Variants in ANKZF1 observed in about 807,000 individuals in gnomAD.
ANKZF1 encodes the protein tRNA endonuclease ANKZF1.
In ANKZF1, 84 loss-of-function variants were observed where a neutral mutation model predicts 86.0. The observed-to-expected ratio is 0.98, with a 90% CI of 0.82 to 1.17. ANKZF1 has a LOEUF of 1.17. Ranked by LOEUF, ANKZF1 falls within the 50% of genes most tolerant of loss-of-function variation. The probability of loss-of-function intolerance (pLI) is 0.00; values close to 1 mark genes in which losing one functional copy is unlikely to be tolerated. For missense variants in ANKZF1, 893 were observed against 918.4 expected (o/e 0.97, Z 0.36); for synonymous variants, 331 against 354.2 (o/e 0.93, Z 0.74).
Position 219,235,541 on chromosome 2 carries a change from T to C in ANKZF1, c.1759T>C (p.Phe587Leu), listed in dbSNP as rs202141823. 30 of 1,613,650 alleles carry C rather than the reference T, an allele frequency of 1.9e-5. No individual in the cohort carries two copies. The East Asian group carries it at 6.5e-4, about 35-fold the overall frequency. ...DKSTRNEFRRFMEKNPDAYDY... is the reference protein window; with the variant it reads ...DKSTRNEFRRLMEKNPDAYDY... ...ATCAACACGTAATGAGTTCCGAAGG[T>C]TCATGGAGAAGAATCCAGATGCCTA... The change falls in exon 11 of 14, where the codon TTC becomes CTC. Residue 587 changes from phenylalanine (F) to leucine (L), a missense_variant. By Grantham distance (22) the Phe-to-Leu change is conservative (BLOSUM62 0). Transcript: ENST00000323348.
rs765253696 is a variant in ANKZF1, at chr2:219,236,095, G to A, written c.2057G>A (p.Arg686Gln). The A allele has an allele frequency of 6.2e-6, 10 of 1,614,052 alleles. No individual in the cohort carries two copies. Among genetic ancestry groups the A allele is most frequent in the East Asian group, 2.2e-5 (1 of 44,894 alleles). The change falls in exon 13 of 14, where the codon CGA becomes CAA. Residue 686 changes from arginine to glutamine, a missense_variant and splice_region_variant. Coordinates refer to ENST00000323348, the MANE Select transcript of ANKZF1 (RefSeq NM_018089.3). ...CCTGACTCTGCAATCGTCAATACTC[G>A]GTATGGGGTGCGGGATGAGGGAGTG... is the stretch of plus-strand genomic sequence containing the variant. ...PIPDSAIVNT[R>Q]RCWSCGASLQ...
Position 219,232,019 on chromosome 2 carries a change from C to G in ANKZF1, c.240C>G (p.Thr80=), listed in dbSNP as rs1215061447. ...EKLFCSTCDQ[T]FQNHQEQREH... ...TATTTTGTTCAACTTGTGACCAGAC[C>G]TTCCAGAACCACCAAGAACAGGTAA... Residue 80 remains threonine, a synonymous_variant, in exon 3 of 14, where the codon ACC becomes ACG. Transcript: ENST00000323348. The G allele has an allele frequency of 6.2e-7, 1 of 1,608,148 alleles. No individual in the cohort carries two copies. The highest frequency in any genetic ancestry group is 2.2e-5 in the East Asian group (1 of 44,854).
chr2:219,235,842 G>A lies in ANKZF1; in HGVS notation c.1938G>A (p.Gln646=), dbSNP rs1279211435. ...QEQEEREREE[Q]RRFAALSDRE... ...AGGAGGAGCGTGAACGAGAAGAGCA[G>A]CGGCGATTTGCCGCCCTCAGTGACC... The change falls in exon 12 of 14, where the codon CAG becomes CAA. Residue 646 remains glutamine (Q), a synonymous_variant. Transcript: ENST00000323348. 9 of 1,614,204 alleles carry A rather than the reference G, an allele frequency of 5.6e-6. No homozygotes were observed. Among genetic ancestry groups the A allele is most frequent in the Non-Finnish European group, 7.6e-6 (9 of 1,180,038 alleles).
At position 219,230,415 on chromosome 2, in the gene ANKZF1, A is replaced by C. The variant is rs570477354; in HGVS notation, c.148+10A>C. 76 of 1,597,572 alleles carry C rather than the reference A, an allele frequency of 4.8e-5. No homozygotes were observed. In the African/African-American group the frequency reaches 9.1e-4, roughly 19 times the overall value. ...CGTACTTCCTGTTCAGGTATCCTGG[A>C]AGGTTTCGTGTGAAACGTGACAGGG... On this transcript the variant is annotated intron_variant, in intron 2 of 13. Transcript: ENST00000323348.
intron 11 of ANKZF1, 32 bp from the exon 12 acceptor site, chr2:219,235,676 A>C (rs745656933): frequency 6.2e-7 from 1 of 1,611,088 alleles, no homozygotes; most frequent in Non-Finnish European, 8.5e-7. Flanking sequence ...ACCAAAGATA[A>C]CTTATAGGGT....
rs1195617405 is a variant in ANKZF1 at position 219,234,288 on chromosome 2, G to A, written c.1204G>A (p.Gly402Ser). The part of the protein sequence containing the change: ...LGQNEESPKQ[G>S]SGSEGEDGFQ... Reference sequence around the variant, plus strand: ...GCAGAATGAGGAATCTCCCAAACAGGGTTTGATTACTATCTGGCAACTGTC... The same window carrying A: ...GCAGAATGAGGAATCTCCCAAACAGAGTTTGATTACTATCTGGCAACTGTC... Residue 402 changes from glycine to serine, a missense_variant and splice_region_variant, in exon 9 of 14, where the codon GGT becomes AGT. Coordinates refer to ENST00000323348, the MANE Select transcript of ANKZF1 (RefSeq NM_018089.3). 1 of 1,613,656 alleles carries A rather than the reference G, an allele frequency of 6.2e-7. No homozygotes were observed. The highest frequency in any genetic ancestry group is 1.3e-5 in the African/African-American group (1 of 74,884).
intron 13 of ANKZF1, 70 bp downstream of exon 13, chr2:219,236,165 A>G (rs2106469579): frequency 1.2e-6 from 2 of 1,601,874 alleles, no homozygotes; most frequent in Middle Eastern, 1.7e-4. Flanking sequence ...AAGAGAAATG[A>G]GTACCTGCAC....
At chr2:219,230,693 C>T in intron 2 of ANKZF1, 1 of 303,622 alleles carries the variant, frequency 3.3e-6, no homozygotes, top group Non-Finnish European at 6.0e-6. Context: ...AACCAGGCCC[C>T]ACTCAAATTA....
At chr2:219,230,034 A>G (rs1378812900) in intron 1 of ANKZF1, 134 bp downstream of exon 1, 6 of 478,630 alleles carry the variant, frequency 1.3e-5, no homozygotes, top group Admixed American at 4.0e-5. Flanking sequence ...CCGAATGCCT[A>G]TTTCATTCTT....
Position 219,234,874 on chromosome 2 carries a change from T to C in ANKZF1, c.1253T>C (p.Val418Ala), listed in dbSNP as rs1033162555. The change falls in exon 10 of 14, where the codon GTG (valine) becomes GCG (alanine). Residue 418 changes from valine (V) to alanine (A), a missense_variant. Physicochemically the swap from Val to Ala is moderately conservative, Grantham distance 64. Transcript: ENST00000323348. ...GGCTTTCAGGTAGAGTTGGAGCTAG[T>C]GGAGTTGACTGTGGGGACTCTGGAT... ...EDGFQVELEL[V>A]ELTVGTLDLC... 4 of 1,613,976 alleles carry C rather than the reference T, an allele frequency of 2.5e-6. No individual in the cohort carries two copies. The highest frequency in any genetic ancestry group is 3.4e-6 in the Non-Finnish European group (4 of 1,180,008).
rs200589538 is a variant in ANKZF1, at chr2:219,233,894, C to T, written c.999C>T (p.Phe333=). The T allele has an allele frequency of 1.2e-5, 20 of 1,608,450 alleles. No individual in the cohort carries two copies. In the Admixed American group the frequency reaches 1.7e-4, roughly 14 times the overall value. Residue 333 remains phenylalanine, a synonymous_variant, in exon 8 of 14, where the codon TTC becomes TTT. Coordinates refer to ENST00000323348, the MANE Select transcript of ANKZF1 (RefSeq NM_018089.3). Reference sequence around the variant, plus strand: ...CCCTCGCCACCCGCAGACCCACCTTCCAAGAGCTACAGCGTGTGCTCCATA... The same window carrying T: ...CCCTCGCCACCCGCAGACCCACCTTTCAAGAGCTACAGCGTGTGCTCCATA... ...DIPLATRRPT[F]QELQRVLHKL... is the part of the protein sequence containing the mutation.
Position 219,235,226 on chromosome 2 carries a change from C to T in ANKZF1, c.1605C>T (p.Gly535=). Residue 535 remains glycine, a synonymous_variant, in exon 10 of 14, where the codon GGC becomes GGT. Coordinates refer to ENST00000323348, the MANE Select transcript of ANKZF1 (RefSeq NM_018089.3). ...SLLSAPLGSG[G]FTLLHAAAAA... is the part of the protein sequence containing the mutation. ...TCAGTGCCCCCTTGGGCTCCGGTGG[C>T]TTTACTCTCCTGCATGCAGCAGCTG... 3.1e-6 allele frequency: 5 copies of T among 1,613,608 alleles called. No individual in the cohort carries two copies. Among genetic ancestry groups the T allele is most frequent in the South Asian group, 2.2e-5 (2 of 91,090 alleles).
rs1381054749 is a variant in ANKZF1, at chr2:219,232,519, G to T, written c.394G>T (p.Asp132Tyr). ...TCTTTCCAGCATCTCGGGATCAGAA[G>T]ACTCAGACTCAGCCAGTGAGGAGGA... ...GDLSSISGSE[D>Y]SDSASEEDLQ... is the part of the protein sequence containing the mutation. The change falls in exon 5 of 14, where the codon GAC (aspartate) becomes TAC (tyrosine). Residue 132 changes from aspartate to tyrosine, a missense_variant. Transcript: ENST00000323348. 1.9e-6 allele frequency: 3 copies of T among 1,614,218 alleles called. No homozygotes were observed. The South Asian group carries it at 3.3e-5, about 18-fold the overall frequency.
At chr2:219,234,036 A>G (rs73991426) in intron 8 of ANKZF1, 93 bp downstream of exon 8, 30,557 of 1,538,406 alleles carry the variant, frequency 0.02, 856 homozygotes, top group East Asian at 0.11. Flanking sequence ...AGGATTTTCT[A>G]AGCCTTGGAC....
Position 219,232,486 on chromosome 2 carries a change from TC to T in ANKZF1, c.365-3del. 1 of 1,614,058 alleles carries T rather than the reference TC, an allele frequency of 6.2e-7. No homozygotes were observed. Among genetic ancestry groups the T allele is most frequent in the Non-Finnish European group, 8.5e-7 (1 of 1,179,968 alleles). ...CTTGTGTATCTCATATTGTCTGTCT[TC>T]AGGAGATCTTTCCAGCATCTCGGGA... On this transcript the variant is annotated splice_polypyrimidine_tract_variant and splice_region_variant and intron_variant, in intron 4 of 13. Transcript: ENST00000323348.
At chr2:219,235,896 G>C in intron 12 of ANKZF1, 21 bp downstream of exon 12, 1 of 1,613,932 alleles carries the variant, frequency 6.2e-7, no homozygotes, top group Non-Finnish European at 8.5e-7. Flanking sequence ...AGGTTCTCTT[G>C]TCCATGGCAA....
intron 13 of ANKZF1, 55 bp from the exon 14 acceptor site, chr2:219,236,267 T>A (rs1308906404): frequency 3.1e-6 from 5 of 1,612,214 alleles, no homozygotes; most frequent in Non-Finnish European, 4.2e-6. Flanking sequence ...GGGGAGAGCG[T>A]GGATTGGAAA....
intron 12 of ANKZF1, 27 bp downstream of exon 12, chr2:219,235,902 G>A (rs368321803): frequency 6.2e-7 from 1 of 1,613,822 alleles, no homozygotes; most frequent in East Asian, 2.2e-5. Flanking sequence ...TCTTGTCCAT[G>A]GCAAGGCTTC....
intron 3 of ANKZF1, 51 bp from the exon 4 acceptor site, chr2:219,232,209 C>A (rs766533621): frequency 4.4e-6 from 7 of 1,579,856 alleles, no homozygotes; most frequent in Non-Finnish European, 6.1e-6. Context: ...CAGTACAAGG[C>A]CAGGCTGGGG....
Sources: gnomAD v4.1 joint callset for allele counts on GRCh38, gnomAD v4.1.1 for gene constraint, MANE v1.5 for transcripts, NCBI Gene and HGNC (gene_info 2026-07-23, HGNC 2026-07-21) for gene names.